DIAPH2: variants seen among roughly 807,000 people sequenced by gnomAD.
The protein encoded by DIAPH2 is diaphanous related formin 2, also known as protein diaphanous homolog 2.
Under a neutral mutation model 92.7 loss-of-function variants are expected in DIAPH2, and 35 were observed. The ratio of observed to expected loss-of-function variants is 0.38; its 90% CI spans 0.29 to 0.50. DIAPH2 has a LOEUF of 0.50. Among genes scored for constraint, DIAPH2 ranks in the 20% least tolerant of loss-of-function variants. The pLI is 0.94. For synonymous variants in DIAPH2, 301 were observed against 280.4 expected (o/e 1.07, Z -0.73); for missense variants, 701 against 819.5 (o/e 0.86, Z 1.77).
At chrX:97,341,163 A>G (rs1253159570) in intron 23 of DIAPH2, 1 of 108,222 alleles carries the variant, frequency 9.2e-6, no homozygotes, top group African/African-American at 3.4e-5. Flanking sequence ...CATCTGCACT[A>G]AGGTCCACAT....
chrX:97,112,530 C>T (rs1275281843), intron 20 of DIAPH2, among the ~76,000 whole-genome samples: 1 of 110,338 alleles, frequency 9.1e-6, no homozygotes, highest in African/African-American at 3.3e-5. Context: ...CCCACACAAA[C>T]ATACACAAAG....
intron 4 of DIAPH2, among the ~76,000 whole-genome samples, chrX:96,801,120 C>T (rs1373451911): frequency 8.9e-6 from 1 of 112,044 alleles, no homozygotes; most frequent in Non-Finnish European, 1.9e-5. Flanking sequence ...CAGCTATTAT[C>T]CTGTAATGCT....
intron 25 of DIAPH2, among the ~76,000 whole-genome samples, chrX:97,428,466 T>C (rs1206127012): frequency 9.4e-6 from 1 of 106,684 alleles, no homozygotes; most frequent in Non-Finnish European, 1.9e-5. Context: ...GAGGCAGAGG[T>C]TGTGGTGAGC....
At chrX:96,750,051 GTTTTT>G (rs753887199) in intron 3 of DIAPH2, among the ~76,000 whole-genome samples, 1 of 71,044 alleles carries the variant, frequency 1.4e-5, no homozygotes, top group Non-Finnish European at 2.5e-5. Context: ...TATATTTCAA[GTTTTT>G]TTTTTTTTTT....
chrX:97,246,639 C>T (rs1229749604), intron 22 of DIAPH2, among the ~76,000 whole-genome samples: 2 of 112,234 alleles, frequency 1.8e-5, no homozygotes, highest in African/African-American at 6.5e-5. Flanking sequence ...TGAAATTTGC[C>T]AAGGGGTTGA....
intron 24 of DIAPH2, among the ~76,000 whole-genome samples, chrX:97,382,553 T>G (rs193137797): frequency 8.9e-6 from 1 of 111,894 alleles, no homozygotes; most frequent in African/African-American, 3.2e-5. Context: ...CGTGCTGAGG[T>G]TGAGAAACCC....
At position 97,137,301 on chromosome X, in the gene DIAPH2, A is replaced by G. The variant is rs184369888; in HGVS notation, c.2590-4364A>G. On this transcript the variant is annotated intron_variant, in intron 21 of 26. Coordinates refer to ENST00000324765, the MANE Select transcript of DIAPH2 (RefSeq NM_006729.5). ...TATATATATATATATATATATATAT[A>G]TGTATAGAATTAAATTTAGGAGTAT... Among the ~76,000 whole-genome samples, 259 of 93,114 alleles carry G rather than the reference A, an allele frequency of 2.8e-3. 2 individuals are homozygous for G. The highest frequency in any genetic ancestry group is 9.9e-3 in the African/African-American group (255 of 25,659). The allele number at this position is 93,114 out of a possible 115,157, so 80.9% of individuals were successfully genotyped here.
intron 5 of DIAPH2, among the ~76,000 whole-genome samples, chrX:96,891,196 C>T (rs2065304726): frequency 8.9e-6 from 1 of 112,171 alleles, no homozygotes; most frequent in African/African-American, 3.2e-5. Context: ...AAGAATGAAG[C>T]TAACTTCTTC....
At chrX:96,855,297 C>T (rs1418932241) in intron 4 of DIAPH2, among the ~76,000 whole-genome samples, 1 of 110,624 alleles carries the variant, frequency 9.0e-6, no homozygotes. Context: ...AGCCGAGGGA[C>T]TATCTTCAGC....
At chrX:96,815,913 C>T (rs1297314849) in intron 4 of DIAPH2, among the ~76,000 whole-genome samples, 3 of 111,217 alleles carry the variant, frequency 2.7e-5, no homozygotes, top group Non-Finnish European at 5.7e-5. Context: ...TCAGGCAATG[C>T]GCCCACCTTG....
chrX:97,151,443 G>A (rs2067285166), intron 22 of DIAPH2, among the ~76,000 whole-genome samples: 2 of 110,390 alleles, frequency 1.8e-5, no homozygotes, highest in South Asian at 7.7e-4. Flanking sequence ...TTAATCTGAT[G>A]TTATTCTAAA....
At chrX:97,400,896 A>ATT (rs781569904) in intron 25 of DIAPH2, among the ~76,000 whole-genome samples, 344 of 91,773 alleles carry the variant, frequency 3.7e-3, no homozygotes, top group African/African-American at 0.013. Context: ...CATATTATTC[A>ATT]TTTTTTTTTT....
chrX:96,882,969 A>AAAAAAAAAAAAAAAC (rs1569419334), intron 5 of DIAPH2, among the ~76,000 whole-genome samples: 2 of 77,020 alleles, frequency 2.6e-5, no homozygotes, highest in African/African-American at 3.7e-5. Context: ...CAAAAAAAAA[A>AAAAAAAAAAAAAAAC]AAAAAAAAAA....
intron 26 of DIAPH2, among the ~76,000 whole-genome samples, chrX:97,499,432 C>T (rs922317866): frequency 4.5e-5 from 5 of 111,610 alleles, no homozygotes; most frequent in Non-Finnish European, 9.4e-5. Flanking sequence ...TTTTTAGATT[C>T]AGCGGGTACA....
At chrX:97,247,622 A>T (rs1318836693) in intron 22 of DIAPH2, 93 bp from the exon 23 acceptor site, 80 of 713,310 alleles carry the variant, frequency 1.1e-4, no homozygotes, top group South Asian at 3.2e-4. Context: ...TCCCACATTT[A>T]AAAAAAAAGA....
intron 22 of DIAPH2, among the ~76,000 whole-genome samples, chrX:97,154,711 A>G (rs151329386): frequency 7.9e-4 from 88 of 111,738 alleles, no homozygotes; most frequent in African/African-American, 2.9e-3. Flanking sequence ...CGCTATTCGT[A>G]TGAGGAACTG....
chrX:97,294,896 T>G (rs2068630525), intron 23 of DIAPH2, among the ~76,000 whole-genome samples: 2 of 111,393 alleles, frequency 1.8e-5, no homozygotes, highest in Non-Finnish European at 3.8e-5. Flanking sequence ...TTTTCCTCTA[T>G]TTTACCTTCT....
At chrX:97,163,109 T>C (rs1407766255) in intron 22 of DIAPH2, among the ~76,000 whole-genome samples, 1 of 111,411 alleles carries the variant, frequency 9.0e-6, no homozygotes, top group Non-Finnish European at 1.9e-5. Context: ...GGTTTCAATT[T>C]TTCTGTCTTT....
intron 26 of DIAPH2, among the ~76,000 whole-genome samples, chrX:97,510,346 T>G (rs1208822684): frequency 1.2e-4 from 13 of 111,892 alleles, no homozygotes. Context: ...GCCCACTTTT[T>G]GATGGTGTTG....
Sources: allele counts gnomAD v4.1 joint callset (sites outside exome capture counted in the v4.1 genomes callset), GRCh38; gene constraint gnomAD v4.1.1; transcripts MANE v1.5; gene names NCBI Gene and HGNC (gene_info 2026-07-23, HGNC 2026-07-21).